The following COL4A1 variants were observed in gnomAD, a reference collection of about 807,000 sequenced individuals.
COL4A1 encodes the protein collagen type IV alpha 1 chain.
In COL4A1, 40 loss-of-function variants were observed where a neutral mutation model predicts 216.6. The observed-to-expected ratio is 0.18, with a 90% CI of 0.14 to 0.24. The LOEUF (loss-of-function observed/expected upper bound fraction) is 0.24, where lower values mean the gene tolerates loss of function less well. COL4A1 is among the 10% of genes least tolerant of loss of function. The pLI is 1.00. For missense variants in COL4A1, 1,628 were observed against 2,196.8 expected (o/e 0.74, Z 5.18); for synonymous variants, 839 against 810.7 (o/e 1.03, Z -0.59).
rs1218682324 is a variant in COL4A1 at position 110,211,803 on chromosome 13, A to G, written c.441+66T>C. On this transcript the variant is annotated intron_variant, in intron 7 of 51. Transcript: ENST00000375820. This position sits in a 1 kb window ranked among gnomAD's most constrained non-coding sequence, Gnocchi z 4.3. Reference sequence around the variant, plus strand: ...TAAGCAAAGAAAGAAAGAAAAGGAAATGGAATGAAAAGAGAGAAGTCATAA... The same window carrying G: ...TAAGCAAAGAAAGAAAGAAAAGGAAGTGGAATGAAAAGAGAGAAGTCATAA... The G allele has an allele frequency of 1.3e-6, 2 of 1,561,246 alleles. No individual in the cohort carries two copies. Among genetic ancestry groups the G allele is most frequent in the Non-Finnish European group, 1.8e-6 (2 of 1,135,562 alleles).
intron 1 of COL4A1, among the ~76,000 whole-genome samples, chr13:110,251,236 C>G (rs981713234): frequency 6.6e-6 from 1 of 152,232 alleles, no homozygotes; most frequent in Non-Finnish European, 1.5e-5. Context: ...CCTTCCACAC[C>G]CTGGTGCCAC....
At chr13:110,270,421 G>T (rs1449375268) in intron 1 of COL4A1, among the ~76,000 whole-genome samples, 1 of 152,204 alleles carries the variant, frequency 6.6e-6, no homozygotes, top group South Asian at 2.1e-4. Flanking sequence ...AAGGACCCAA[G>T]GTTCTGATGC....
In COL4A1 at chr13:110,233,047, G is replaced by A. The variant is rs757664987; in HGVS notation, c.144+9628C>T. 1.3e-3 allele frequency among the ~76,000 whole-genome samples: 195 copies of A among 152,180 alleles called. 1 individual carries two copies. The highest frequency in any genetic ancestry group is 2.4e-3 in the Non-Finnish European group (161 of 68,046). On this transcript the variant is annotated intron_variant, in intron 2 of 51. Transcript: ENST00000375820. ...TCCAAGGCATAGGGGAGCCAGCGAC[G>A]GGTGGGCCTCGTGTGCAGAATAAAA...
intron 1 of COL4A1, among the ~76,000 whole-genome samples, chr13:110,301,609 T>A (rs113886448): frequency 0.029 from 4,447 of 152,266 alleles, 76 homozygotes; most frequent in Middle Eastern, 0.071. Flanking sequence ...TCAACAATAT[T>A]TCACATTACC....
At chr13:110,234,563 C>T (rs1881216625) in intron 2 of COL4A1, among the ~76,000 whole-genome samples, 1 of 151,654 alleles carries the variant, frequency 6.6e-6, no homozygotes, top group Non-Finnish European at 1.5e-5. Flanking sequence ...GCCTGAGTGA[C>T]AGAGTGAGAC....
At chr13:110,192,437 C>T (rs796660662) in intron 23 of COL4A1, among the ~76,000 whole-genome samples, 153 bp from the exon 24 acceptor site, 50 of 152,236 alleles carry the variant, frequency 3.3e-4, no homozygotes, top group African/African-American at 3.1e-4. Context: ...ATGCCCAAGA[C>T]GGACTCAGAA....
At chr13:110,306,899 A>G (rs1566461188) in intron 1 of COL4A1, 45 bp downstream of exon 1, 14 of 1,427,110 alleles carry the variant, frequency 9.8e-6, no homozygotes, top group African/African-American at 1.5e-5. Flanking sequence ...CGGGGCGCCC[A>G]AGCTCGGGGC....
intron 2 of COL4A1, among the ~76,000 whole-genome samples, chr13:110,239,672 G>A (rs1881470405): frequency 6.6e-6 from 1 of 152,064 alleles, no homozygotes; most frequent in South Asian, 2.1e-4. Flanking sequence ...TTTACACTAG[G>A]TCGGCATTTC....
chr13:110,177,127 C>T, intron 33 of COL4A1, 90 bp from the exon 34 acceptor site: 1 of 1,585,286 alleles, frequency 6.3e-7, no homozygotes, highest in South Asian at 1.1e-5. Context: ...GGGACAGCAG[C>T]TGGCAAAAAG....
intron 1 of COL4A1, among the ~76,000 whole-genome samples, chr13:110,299,366 G>A (rs1884405346): frequency 6.6e-6 from 1 of 152,200 alleles, no homozygotes; most frequent in African/African-American, 2.4e-5. Flanking sequence ...GCTCATGTTG[G>A]ACAACGGCTG....
In COL4A1 at chr13:110,212,489, A is replaced by G; in HGVS notation, c.325-10T>C. On this transcript the variant is annotated splice_polypyrimidine_tract_variant and intron_variant, in intron 5 of 51. Transcript: ENST00000375820. Reference sequence around the variant, plus strand: ...CTTGGCCAGGAATTCCCTGCAATGAAGAAAGTGAAAATGTAACCCAGGCAG... The same window carrying G: ...CTTGGCCAGGAATTCCCTGCAATGAGGAAAGTGAAAATGTAACCCAGGCAG... 4 of 1,614,254 alleles carry G rather than the reference A, an allele frequency of 2.5e-6. No homozygotes were observed. Among genetic ancestry groups the G allele is most frequent in the Non-Finnish European group, 3.4e-6 (4 of 1,180,052 alleles).
intron 1 of COL4A1, among the ~76,000 whole-genome samples, chr13:110,283,731 C>A (rs929957808): frequency 1.3e-5 from 2 of 152,204 alleles, no homozygotes; most frequent in Non-Finnish European, 2.9e-5. Context: ...TCTGTGAGCT[C>A]ATCTGGGGCT....
At chr13:110,279,547 G>C (rs763289404) in intron 1 of COL4A1, among the ~76,000 whole-genome samples, 14 of 152,024 alleles carry the variant, frequency 9.2e-5, no homozygotes, top group Non-Finnish European at 1.3e-4. Context: ...TATTCTTTTG[G>C]GGGGCTGGAG....
intron 1 of COL4A1, among the ~76,000 whole-genome samples, chr13:110,275,596 A>G (rs1883398275): frequency 6.6e-6 from 1 of 152,246 alleles, no homozygotes; most frequent in Non-Finnish European, 1.5e-5. Context: ...AACCCTGCAC[A>G]TGGATGTTTA....
intron 1 of COL4A1, among the ~76,000 whole-genome samples, chr13:110,303,829 G>C (rs181647022): frequency 1.3e-5 from 2 of 152,346 alleles, no homozygotes; most frequent in Non-Finnish European, 2.9e-5. Context: ...GCCAGCACCT[G>C]GCAAGGTCAT....
intron 1 of COL4A1, among the ~76,000 whole-genome samples, chr13:110,281,140 TAAGCCACAAAA>T (rs1324813568): frequency 2.2e-4 from 33 of 152,302 alleles, no homozygotes; most frequent in African/African-American, 7.5e-4. Context: ...CTGGCTTGTG[TAAGCCACAAAA>T]CGTGGCCGGC....
At chr13:110,163,984 C>CTTTTTTTTT (rs58236306) in intron 46 of COL4A1, among the ~76,000 whole-genome samples, 4 of 110,256 alleles carry the variant, frequency 3.6e-5, no homozygotes, top group Middle Eastern at 5.4e-3. Context: ...TTCTCTCTCT[C>CTTTTTTTTT]TTTTTTTTTT....
Position 110,178,928 on chromosome 13 carries a change from A to C in COL4A1, c.2453T>G (p.Leu818Trp). The change falls in exon 31 of 52, where the codon TTG (leucine) becomes TGG (tryptophan). Residue 818 changes from leucine (L) to tryptophan (W), a missense_variant. Leu to Trp is a moderately conservative substitution (Grantham distance 61). This residue lies in a region of COL4A1 where 701 missense variants were observed against 892.5 expected (regional missense o/e 0.79). Transcript: ENST00000375820. ...GPPGGQGPPG[L>W]SGPPGIKGEK... ...TCTAGAAGCATGTCACTCACCTGAC[A>C]ACCCCGGTGGTCCCTGTCCTCCAGG... The C allele has an allele frequency of 6.2e-7, 1 of 1,610,536 alleles. No individual in the cohort carries two copies. Among genetic ancestry groups the C allele is most frequent in the Non-Finnish European group, 8.5e-7 (1 of 1,178,528 alleles).
intron 2 of COL4A1, among the ~76,000 whole-genome samples, chr13:110,227,266 T>A (rs1390937109): frequency 1.3e-5 from 2 of 152,088 alleles, no homozygotes; most frequent in Non-Finnish European, 2.9e-5. Context: ...AATTATGAGG[T>A]ATAAACTTTC....
Sources: allele counts gnomAD v4.1 joint callset (sites outside exome capture counted in the v4.1 genomes callset), GRCh38; gene constraint gnomAD v4.1.1; regional missense constraint gnomAD v4.1.1; non-coding constraint Gnocchi (gnomAD v3.1); transcripts MANE v1.5; gene names NCBI Gene and HGNC (gene_info 2026-07-23, HGNC 2026-07-21).